PGK1: variants seen among roughly 807,000 people sequenced by gnomAD.
PGK1 encodes the protein PRP 2.
A neutral mutation model predicts 26.9 loss-of-function variants in PGK1; 3 were observed. The ratio of observed to expected loss-of-function variants is 0.11; its 90% CI spans 0.05 to 0.29. The LOEUF (loss-of-function observed/expected upper bound fraction) is 0.29. Ranked by LOEUF, PGK1 falls within the 10% of genes least tolerant of loss-of-function variation. The probability of loss-of-function intolerance (pLI) is 1.00; values close to 1 mark genes in which losing one functional copy is unlikely to be tolerated. For synonymous variants in PGK1, 125 were observed against 115.3 expected (o/e 1.08, Z -0.54); for missense variants, 270 against 314.7 (o/e 0.86, Z 1.07).
chrX:78,116,527 G>A (rs2078327332), intron 4 of PGK1, among the ~76,000 whole-genome samples: 1 of 111,906 alleles, frequency 8.9e-6, no homozygotes. Context: ...TTTGTGCTAT[G>A]TACTCTTCTG....
chrX:78,127,642 T>G lies in PGK1; in HGVS notation c.*1812T>G, dbSNP rs2078389044. ...ATGATGCTTCTAGGCTATAGATGCT[T>G]CTAGACTCTATCCCTGACATGATGC... is the stretch of plus-strand genomic sequence containing the variant. On this transcript the variant is annotated 3_prime_UTR_variant, in exon 11 of 11. Transcript: ENST00000373316. 1 of 112,039 alleles carries G rather than the reference T, an allele frequency of 8.9e-6. No individual in the cohort carries two copies. Among genetic ancestry groups the G allele is most frequent in the South Asian group, 3.7e-4 (1 of 2,707 alleles). The allele number at this position is 112,039 out of a possible 1,213,427, so 9.2% of individuals were successfully genotyped here.
chrX:78,124,393 T>C (rs1411535133), intron 8 of PGK1, among the ~76,000 whole-genome samples: 3 of 111,601 alleles, frequency 2.7e-5, no homozygotes, highest in Non-Finnish European at 3.8e-5. Context: ...GTGATTCTCA[T>C]GCATGGCAAA....
In PGK1 at chrX:78,120,928, A is replaced by G. The variant is rs1054666480; in HGVS notation, c.642-1907A>G. ...TATTTTTGGATTTTGGAATATTTGC[A>G]TGGTACTTACCAGTTGAGCATCCTA... On this transcript the variant is annotated intron_variant, in intron 6 of 10. Coordinates refer to ENST00000373316, the MANE Select transcript of PGK1 (RefSeq NM_000291.4). Among the ~76,000 whole-genome samples, 6 of 112,447 alleles carry G rather than the reference A, an allele frequency of 5.3e-5. No homozygotes were observed. The South Asian group carries it at 1.5e-3, about 27-fold the overall frequency.
At chrX:78,119,188 A>G (rs1241060648) in intron 6 of PGK1, among the ~76,000 whole-genome samples, 3 of 111,896 alleles carry the variant, frequency 2.7e-5, no homozygotes, top group African/African-American at 9.7e-5. Flanking sequence ...GGGTATAACT[A>G]TGAAAACCTC....
chrX:78,122,786 T>C (rs1569550888), intron 6 of PGK1, 49 bp from the exon 7 acceptor site: 2 of 726,839 alleles, frequency 2.8e-6, no homozygotes, highest in African/African-American at 2.1e-5. Context: ...GTAATACCAC[T>C]TCTCTAGTCC....
chrX:78,117,128 G>A (rs2078330300), intron 4 of PGK1, among the ~76,000 whole-genome samples, 184 bp from the exon 5 acceptor site: 1 of 111,677 alleles, frequency 9.0e-6, no homozygotes, highest in African/African-American at 3.3e-5. Flanking sequence ...GCAGAAACAT[G>A]CAGAAATGAC....
Position 78,126,143 on chromosome X carries a change from A to G in PGK1, c.*313A>G, listed in dbSNP as rs369088358. ...TGTTAGCTTAGTTCTCTTTTGATGTAGGTTATTATGATTAGCTTTGTCACT... is the reference window on the plus strand; with the variant it reads ...TGTTAGCTTAGTTCTCTTTTGATGTGGGTTATTATGATTAGCTTTGTCACT... On this transcript the variant is annotated 3_prime_UTR_variant, in exon 11 of 11. Transcript: ENST00000373316. 30 of 289,161 alleles carry G rather than the reference A, an allele frequency of 1.0e-4. No homozygotes were observed. Among genetic ancestry groups the G allele is most frequent in the African/African-American group, 7.9e-4 (30 of 38,074 alleles). The allele number at this position is 289,161 out of a possible 1,213,427, so 23.8% of individuals were successfully genotyped here. A position where few individuals can be genotyped will look rare whatever the true frequency, so the allele number is the denominator to read the frequency against.
At chrX:78,125,081 A>G (rs1557248522) in intron 9 of PGK1, 30 bp downstream of exon 9, 3 of 1,138,237 alleles carry the variant, frequency 2.6e-6, no homozygotes. Flanking sequence ...GCTAATACCC[A>G]TATAAGCTGG....
intron 4 of PGK1, among the ~76,000 whole-genome samples, chrX:78,115,908 G>T (rs1241710587): frequency 9.0e-6 from 1 of 111,236 alleles, no homozygotes; most frequent in Non-Finnish European, 1.9e-5. Flanking sequence ...GGAGTGCAGT[G>T]GCATGACATT....
rs1557248453 is a variant in PGK1 at position 78,124,867 on chromosome X, C to T, written c.937-7C>T. On this transcript the variant is annotated splice_region_variant and splice_polypyrimidine_tract_variant and intron_variant, in intron 8 of 10. Coordinates refer to ENST00000373316, the MANE Select transcript of PGK1 (RefSeq NM_000291.4). ...AGCTCATCTTCTCTTTCACCTCTAC[C>T]CCTCAGGGCTTGGACTGTGGTCCTG... The T allele has an allele frequency of 1.7e-6, 2 of 1,203,089 alleles. No homozygotes were observed. The highest frequency in any genetic ancestry group is 2.2e-6 in the Non-Finnish European group (2 of 889,194).
chrX:78,116,182 A>G (rs1557247437), intron 4 of PGK1, among the ~76,000 whole-genome samples: 1 of 111,037 alleles, frequency 9.0e-6, no homozygotes, highest in African/African-American at 3.3e-5. Flanking sequence ...TCGTAAATGG[A>G]GGGGTTATTA....
chrX:78,129,254 T>TATCTATCTATCTATCTATC lies in PGK1; in HGVS notation c.*3432_*3433insATCTATCTATCATCTATCT, dbSNP rs1557249107. 6 of 111,026 alleles carry TATCTATCTATCTATCTATC rather than the reference T, an allele frequency of 5.4e-5. No homozygotes were observed. The highest frequency in any genetic ancestry group is 1.9e-4 in the Admixed American group (2 of 10,397). The allele number at this position is 111,026 out of a possible 1,213,427, so 9.1% of individuals were successfully genotyped here. ...CTATCTATCTATCTATCTATCTATCTATCTATCTGTATATAGATATATTAA... is the reference window on the plus strand; with the variant it reads ...CTATCTATCTATCTATCTATCTATCTATCTATCTATCTATCTATCATCTATCTGTATATAGATATATTAA... On this transcript the variant is annotated 3_prime_UTR_variant, in exon 11 of 11. Coordinates refer to ENST00000373316, the MANE Select transcript of PGK1 (RefSeq NM_000291.4).
intron 9 of PGK1, 51 bp from the exon 10 acceptor site, chrX:78,125,276 C>T (rs1163639590): frequency 9.9e-7 from 1 of 1,014,145 alleles, no homozygotes; most frequent in Non-Finnish European, 1.4e-6. Flanking sequence ...GTGCCAATCC[C>T]TTTTTTTTCT....
In PGK1 at chrX:78,106,009, A is replaced by G. The variant is rs189381956; in HGVS notation, c.65+1604A>G. On this transcript the variant is annotated intron_variant, in intron 1 of 10. Transcript: ENST00000373316. ...CAGATGCATGGACCAACTAACAGAC[A>G]AGGAGTGGGACATTATGCTGATAAC... Among the ~76,000 whole-genome samples, 19 of 112,287 alleles carry G rather than the reference A, an allele frequency of 1.7e-4. No individual in the cohort carries two copies. In the East Asian group the frequency reaches 3.6e-3, roughly 21 times the overall value.
rs1228611346 is a variant in PGK1 at position 78,116,048 on chromosome X, CG to C, written c.418-1260del. Among the ~76,000 whole-genome samples, 4 of 107,469 alleles carry C rather than the reference CG, an allele frequency of 3.7e-5. No individual in the cohort carries two copies. The Admixed American group carries it at 4.0e-4, about 11-fold the overall frequency. The allele number at this position is 107,469 out of a possible 115,157, so 93.3% of individuals were successfully genotyped here. On this transcript the variant is annotated intron_variant, in intron 4 of 10. Transcript: ENST00000373316. ...TTTTTTTTTTTTTTCCTGGTAGAGA[CG>C]GGGTCTTGCTATGTTGCCCAGGCTC...
At chrX:78,118,310 G>A (rs1309840607) in intron 6 of PGK1, 140 bp downstream of exon 6, 7 of 663,590 alleles carry the variant, frequency 1.1e-5, no homozygotes, top group Non-Finnish European at 1.7e-5. Flanking sequence ...GGCTGGGCAT[G>A]GTGGCTCACA....
At position 78,126,098 on chromosome X, in the gene PGK1, G is replaced by C. The variant is rs2078382093; in HGVS notation, c.*268G>C. 1 of 384,835 alleles carries C rather than the reference G, an allele frequency of 2.6e-6. No homozygotes were observed. The highest frequency in any genetic ancestry group is 4.2e-5 in the Admixed American group (1 of 23,743). 31.7% of individuals were successfully genotyped at this position (384,835 alleles called of 1,213,427 possible). ...GAGTGCATATATTTATATTTTGCCT[G>C]TTAAAAAGAAAGTGAGCAGTGTTAG... On this transcript the variant is annotated 3_prime_UTR_variant, in exon 11 of 11. Coordinates refer to ENST00000373316, the MANE Select transcript of PGK1 (RefSeq NM_000291.4).
intron 6 of PGK1, among the ~76,000 whole-genome samples, chrX:78,119,073 T>A (rs2078340819): frequency 9.0e-6 from 1 of 111,377 alleles, no homozygotes; most frequent in Non-Finnish European, 1.9e-5. Context: ...TGCTTGAGCC[T>A]TATAACCTGG....
chrX:78,110,085 C>T (rs1339512184), intron 2 of PGK1, among the ~76,000 whole-genome samples, 168 bp downstream of exon 2: 1 of 111,936 alleles, frequency 8.9e-6, no homozygotes, highest in Non-Finnish European at 1.9e-5. Flanking sequence ...TGAGAATATA[C>T]AAATATAAGC....
Sources: gnomAD v4.1 joint callset for allele counts (sites outside exome capture counted in the v4.1 genomes callset) on GRCh38, gnomAD v4.1.1 for gene constraint, MANE v1.5 for transcripts, NCBI Gene and HGNC (gene_info 2026-07-23, HGNC 2026-07-21) for gene names.